Variants in DNER observed in about 807,000 individuals in gnomAD.
DNER encodes the protein delta and Notch-like epidermal growth factor-related receptor.
A neutral mutation model predicts 78.2 loss-of-function variants in DNER; 33 were observed. The ratio of observed to expected loss-of-function variants is 0.42; its 90% CI spans 0.32 to 0.56. The LOEUF (loss-of-function observed/expected upper bound fraction) is 0.56. DNER is among the 20% of genes least tolerant of loss of function. The probability of loss-of-function intolerance (pLI) is 0.11; values close to 1 mark genes in which losing one functional copy is unlikely to be tolerated. For synonymous variants in DNER, 417 were observed against 384.8 expected, an observed-to-expected ratio of 1.08 and a Z score of -0.98; for missense variants, 918 against 975.3, an observed-to-expected ratio of 0.94 and a Z score of 0.78.
At chr2:229,406,378 A>G (rs1693383528) in intron 10 of DNER, among the ~76,000 whole-genome samples, 1 of 151,980 alleles carries the variant, frequency 6.6e-6, no homozygotes, top group Admixed American at 6.6e-5. Flanking sequence ...AAAAACATAG[A>G]CTTTGTCTTA....
chr2:229,658,812 G>C (rs1478037523), intron 1 of DNER, among the ~76,000 whole-genome samples: 2 of 152,068 alleles, frequency 1.3e-5, no homozygotes, highest in Non-Finnish European at 2.9e-5. Context: ...AATTTCTAAG[G>C]CTGTCGATGC....
At chr2:229,461,874 C>T (rs1296640415) in intron 7 of DNER, among the ~76,000 whole-genome samples, 1 of 152,042 alleles carries the variant, frequency 6.6e-6, no homozygotes, top group Non-Finnish European at 1.5e-5. Flanking sequence ...AAAGAAAACA[C>T]AACAGCTCCA....
intron 1 of DNER, among the ~76,000 whole-genome samples, chr2:229,616,689 G>C (rs1698169775): frequency 6.6e-6 from 1 of 152,204 alleles, no homozygotes; most frequent in African/African-American, 2.4e-5. Flanking sequence ...TGAGGGAGCT[G>C]TCTCAGATCT....
rs547875875 is a variant in DNER, at chr2:229,625,519, G to C, written c.277-33631C>G. 2.6e-5 allele frequency among the ~76,000 whole-genome samples: 4 copies of C among 152,324 alleles called. No homozygotes were observed. The East Asian group carries it at 7.7e-4, about 29-fold the overall frequency. On this transcript the variant is annotated intron_variant, in intron 1 of 12. Transcript: ENST00000341772. ...TCATATCAAAGGCCAGAAAACAAGG[G>C]AGACGGAGGGGAGCGGGCTCAAGGG...
intron 4 of DNER, among the ~76,000 whole-genome samples, chr2:229,563,673 A>ATCCTC (rs1697021635): frequency 7.0e-6 from 1 of 143,166 alleles, no homozygotes. Flanking sequence ...CATCATCATC[A>ATCCTC]ACATTATCAC....
chr2:229,440,097 G>C (rs1214726459), intron 8 of DNER, among the ~76,000 whole-genome samples: 2 of 152,192 alleles, frequency 1.3e-5, no homozygotes, highest in Non-Finnish European at 2.9e-5. Flanking sequence ...CTTGTGAATA[G>C]ATTTGTAATA....
intron 1 of DNER, among the ~76,000 whole-genome samples, chr2:229,639,201 G>A (rs967616950): frequency 1.3e-5 from 2 of 152,110 alleles, no homozygotes; most frequent in East Asian, 3.8e-4. Context: ...GAGAAAATAG[G>A]GTTTTTTCTC....
chr2:229,510,827 G>A (rs893827486), intron 6 of DNER, among the ~76,000 whole-genome samples: 2 of 152,184 alleles, frequency 1.3e-5, no homozygotes, highest in African/African-American at 4.8e-5. Flanking sequence ...TCAAATGAAT[G>A]AGGTCACTCC....
chr2:229,651,829 A>C (rs1410748775), intron 1 of DNER, among the ~76,000 whole-genome samples: 1 of 152,222 alleles, frequency 6.6e-6, no homozygotes, highest in Non-Finnish European at 1.5e-5. Flanking sequence ...AGCAACATGC[A>C]AGTTAGCATG....
intron 1 of DNER, among the ~76,000 whole-genome samples, chr2:229,670,318 T>G (rs753628665): frequency 4.6e-5 from 7 of 152,230 alleles, no homozygotes; most frequent in Admixed American, 2.0e-4. Context: ...AGTCCCTGCC[T>G]TCTCACAATT....
intron 11 of DNER, among the ~76,000 whole-genome samples, chr2:229,376,747 C>A (rs1692611449): frequency 6.6e-6 from 1 of 152,112 alleles, no homozygotes; most frequent in Non-Finnish European, 1.5e-5. Flanking sequence ...TATCTATTGA[C>A]TGATGCATCT....
At chr2:229,425,699 C>T in intron 8 of DNER, among the ~76,000 whole-genome samples, 1 of 152,192 alleles carries the variant, frequency 6.6e-6, no homozygotes, top group East Asian at 1.9e-4. Context: ...TCATCACACT[C>T]AAAAATATCC....
rs1693409625 is a variant in DNER at position 229,407,283 on chromosome 2, A to T, written c.1672T>A (p.Cys558Ser). The change falls in exon 10 of 13, where the codon TGT becomes AGT. Residue 558 changes from cysteine (C) to serine (S), a missense_variant. Transcript: ENST00000341772. ...ANVSCLNGAT[C>S]DSDGLNGTCI... Reference sequence around the variant, plus strand: ...GTGCCATTCAGGCCGTCGCTGTCACAGGTGGCTCCGTTCAGACAGCTGACG... The same window carrying T: ...GTGCCATTCAGGCCGTCGCTGTCACTGGTGGCTCCGTTCAGACAGCTGACG... The T allele has an allele frequency of 6.2e-7, 1 of 1,613,964 alleles. No individual in the cohort carries two copies. Among genetic ancestry groups the T allele is most frequent in the African/African-American group, 1.3e-5 (1 of 75,042 alleles).
intron 1 of DNER, among the ~76,000 whole-genome samples, chr2:229,685,898 G>A (rs1022586377): frequency 4.6e-5 from 7 of 152,116 alleles, no homozygotes; most frequent in Non-Finnish European, 7.4e-5. Flanking sequence ...GTGAGGCATC[G>A]GAGGAGGGCT....
At chr2:229,450,332 T>C (rs1275776929) in intron 7 of DNER, among the ~76,000 whole-genome samples, 1 of 152,076 alleles carries the variant, frequency 6.6e-6, no homozygotes, top group Non-Finnish European at 1.5e-5. Context: ...AGCTTATACC[T>C]ACGTTAGGAG....
At chr2:229,455,438 A>G (rs2106365636) in intron 7 of DNER, among the ~76,000 whole-genome samples, 1 of 152,200 alleles carries the variant, frequency 6.6e-6, no homozygotes, top group East Asian at 1.9e-4. Context: ...AGTTGCCCGT[A>G]TAATCAGAGT....
chr2:229,714,420 G>A lies in DNER; in HGVS notation c.4C>T (p.Gln2Ter). 2 of 1,145,348 alleles carry A rather than the reference G, an allele frequency of 1.7e-6. No individual in the cohort carries two copies. Among genetic ancestry groups the A allele is most frequent in the Non-Finnish European group, 2.1e-6 (2 of 935,440 alleles). 70.9% of individuals were successfully genotyped at this position (1,145,348 alleles called of 1,614,324 possible). A position where few individuals can be genotyped will look rare whatever the true frequency, so the allele number is the denominator to read the frequency against. M[Q>*]PRRAQAPGAQ... Reference sequence around the variant, plus strand: ...CCGGGCGCCTGGGCGCGGCGGGGCTGCATGGCCGGCCGGGAGGGCGCGGGA... The same window carrying A: ...CCGGGCGCCTGGGCGCGGCGGGGCTACATGGCCGGCCGGGAGGGCGCGGGA... The change falls in exon 1 of 13, where the codon CAG (glutamine) becomes TAG (stop). Residue 2 changes from glutamine (Q) to a stop codon, truncating the protein, a stop_gained. Transcript: ENST00000341772. LOFTEE classifies it high-confidence loss of function.
intron 1 of DNER, among the ~76,000 whole-genome samples, chr2:229,709,101 C>T (rs1699871885): frequency 6.6e-6 from 1 of 152,140 alleles, no homozygotes. Context: ...TGAAGGAAGA[C>T]AATCAAACAC....
intron 1 of DNER, among the ~76,000 whole-genome samples, chr2:229,612,041 A>T (rs1381680179): frequency 3.3e-5 from 5 of 152,220 alleles, no homozygotes; most frequent in Non-Finnish European, 7.3e-5. Context: ...TTAGTTGCAA[A>T]CTGAAGTCAA....
Sources: gnomAD v4.1 joint callset for allele counts (sites outside exome capture counted in the v4.1 genomes callset) on GRCh38, gnomAD v4.1.1 for gene constraint, MANE v1.5 for transcripts, NCBI Gene and HGNC (gene_info 2026-07-23, HGNC 2026-07-21) for gene names.